The following NRG3 variants were observed in gnomAD, a reference collection of about 807,000 sequenced individuals.
NRG3 encodes the protein pro-neuregulin-3, membrane-bound isoform.
NRG3 carries 31 observed loss-of-function variants against 66.9 expected under a neutral mutation model. The observed-to-expected ratio is 0.46, with a 90% CI of 0.35 to 0.63. The LOEUF is 0.63. NRG3 is among the 20% of genes least tolerant of loss of function. NRG3 has a pLI of 0.00. For synonymous variants in NRG3, 393 were observed against 359.4 expected (o/e 1.09, Z -1.06); for missense variants, 910 against 878.9 (o/e 1.04, Z -0.45).
chr10:82,077,631 G>T (rs1054412338), intron 1 of NRG3, among the ~76,000 whole-genome samples: 1 of 152,164 alleles, frequency 6.6e-6, no homozygotes, highest in Non-Finnish European at 1.5e-5. Flanking sequence ...TTAAAAGAAG[G>T]ATTTGACCAA....
At chr10:82,194,754 A>G (rs1326131619) in intron 1 of NRG3, among the ~76,000 whole-genome samples, 2 of 152,074 alleles carry the variant, frequency 1.3e-5, no homozygotes, top group African/African-American at 4.8e-5. Flanking sequence ...AATAATAGAT[A>G]TTATTATCCT....
intron 1 of NRG3, among the ~76,000 whole-genome samples, chr10:82,014,353 G>A (rs1001177420): frequency 7.9e-5 from 12 of 152,098 alleles, no homozygotes; most frequent in Admixed American, 3.9e-4. Flanking sequence ...ACTTACCCAA[G>A]GTCCCACCTG....
intron 1 of NRG3, among the ~76,000 whole-genome samples, chr10:82,304,270 G>A (rs1212373040): frequency 2.6e-5 from 4 of 152,112 alleles, no homozygotes. Context: ...CTTTTCATAT[G>A]TCTAAGAGTC....
At chr10:82,732,684 C>T (rs1228109442) in intron 2 of NRG3, among the ~76,000 whole-genome samples, 1 of 152,148 alleles carries the variant, frequency 6.6e-6, no homozygotes, top group Non-Finnish European at 1.5e-5. Context: ...ATCATTTACT[C>T]CTAATAATAA....
chr10:82,899,249 T>G (rs1843978893), intron 4 of NRG3, among the ~76,000 whole-genome samples: 1 of 152,106 alleles, frequency 6.6e-6, no homozygotes, highest in Non-Finnish European at 1.5e-5. Context: ...CACTGTATGA[T>G]TTGGTGGGGC....
At chr10:82,481,893 A>G (rs1006436498) in intron 2 of NRG3, among the ~76,000 whole-genome samples, 1 of 152,188 alleles carries the variant, frequency 6.6e-6, no homozygotes, top group Non-Finnish European at 1.5e-5. Context: ...AGGCTGAGAC[A>G]GGAGAACTGT....
chr10:82,083,860 A>G (rs200090101), intron 1 of NRG3, among the ~76,000 whole-genome samples: 8 of 151,010 alleles, frequency 5.3e-5, no homozygotes, highest in Middle Eastern at 3.4e-3. Context: ...CAGGTGATCC[A>G]CCTGCCTTGG....
intron 1 of NRG3, among the ~76,000 whole-genome samples, chr10:82,252,017 C>T (rs1445273783): frequency 6.6e-6 from 1 of 152,200 alleles, no homozygotes; most frequent in Non-Finnish European, 1.5e-5. Flanking sequence ...CCCACCCAGC[C>T]TGCCCTGCAT....
At chr10:82,929,616 G>A (rs1225848083) in intron 4 of NRG3, among the ~76,000 whole-genome samples, 2 of 152,088 alleles carry the variant, frequency 1.3e-5, no homozygotes, top group African/African-American at 4.8e-5. Flanking sequence ...ATGTGCAGTG[G>A]CTCACCCCTG....
intron 1 of NRG3, among the ~76,000 whole-genome samples, chr10:82,328,005 C>T (rs7476649): frequency 0.15 from 23,247 of 152,158 alleles, 1,938 homozygotes; most frequent in East Asian, 0.3. Context: ...CTTTCATTAC[C>T]TCCTTAAAGG....
At chr10:81,931,581 G>T (rs886320935) in intron 1 of NRG3, among the ~76,000 whole-genome samples, 1 of 151,996 alleles carries the variant, frequency 6.6e-6, no homozygotes, top group African/African-American at 2.4e-5. Context: ...AGTCTTCCAG[G>T]GGCTCTTCAT....
At chr10:82,928,285 G>T (rs1280141690) in intron 4 of NRG3, among the ~76,000 whole-genome samples, 1 of 152,024 alleles carries the variant, frequency 6.6e-6, no homozygotes, top group East Asian at 1.9e-4. Flanking sequence ...CCATTCTATA[G>T]GTTGCCTGTT....
Position 82,094,204 on chromosome 10 carries a change from C to T in NRG3, c.823+218041C>T, listed in dbSNP as rs1349496492. 2.0e-5 allele frequency among the ~76,000 whole-genome samples: 3 copies of T among 152,116 alleles called. No homozygotes were observed. In the East Asian group the frequency reaches 5.8e-4, roughly 29 times the overall value. Reference sequence around the variant, plus strand: ...AAGCATGAAATTAGAAGTATATTATCTTTTTATGAGATTTGTATGTTTGTG... The same window carrying T: ...AAGCATGAAATTAGAAGTATATTATTTTTTTATGAGATTTGTATGTTTGTG... On this transcript the variant is annotated intron_variant, in intron 1 of 8. Coordinates refer to ENST00000372141, the MANE Select transcript of NRG3 (RefSeq NM_001010848.4).
At chr10:82,353,536 AAACTT>A (rs1338718440) in intron 1 of NRG3, among the ~76,000 whole-genome samples, 1 of 152,190 alleles carries the variant, frequency 6.6e-6, no homozygotes, top group Non-Finnish European at 1.5e-5. Context: ...AAAGAATAGA[AAACTT>A]AAAAGCAAAG....
intron 1 of NRG3, among the ~76,000 whole-genome samples, chr10:81,913,974 T>G (rs73304558): frequency 0.019 from 2,872 of 152,274 alleles, 78 homozygotes; most frequent in African/African-American, 0.063. Context: ...CATCCAGAGC[T>G]CTTGTGGCAC....
intron 2 of NRG3, among the ~76,000 whole-genome samples, chr10:82,522,089 G>T (rs1846253064): frequency 6.9e-6 from 1 of 144,162 alleles, no homozygotes; most frequent in African/African-American, 2.6e-5. Context: ...TTTAGCCCAG[G>T]CTGGAGTGCG....
chr10:82,567,807 T>G (rs1590702040), intron 2 of NRG3, among the ~76,000 whole-genome samples: 1 of 152,056 alleles, frequency 6.6e-6, no homozygotes, highest in Middle Eastern at 3.4e-3. Flanking sequence ...AATGATTTTT[T>G]TCTTTAATGA....
At chr10:82,793,798 C>A (rs549151146) in intron 3 of NRG3, among the ~76,000 whole-genome samples, 1 of 152,102 alleles carries the variant, frequency 6.6e-6, no homozygotes, top group Admixed American at 6.6e-5. Flanking sequence ...GCTTCTTCCA[C>A]AAGGCATCAT....
chr10:82,623,726 A>G (rs1384778886), intron 2 of NRG3, among the ~76,000 whole-genome samples: 1 of 152,174 alleles, frequency 6.6e-6, no homozygotes, highest in Non-Finnish European at 1.5e-5. Flanking sequence ...ATTTGAAAAT[A>G]ATTATGACAT....
Sources: gnomAD v4.1 joint callset for allele counts (sites outside exome capture counted in the v4.1 genomes callset) on GRCh38, gnomAD v4.1.1 for gene constraint, MANE v1.5 for transcripts, NCBI Gene and HGNC (gene_info 2026-07-23, HGNC 2026-07-21) for gene names.